The following DNAH7 variants were observed in gnomAD, a reference collection of about 807,000 sequenced individuals.
DNAH7 encodes the protein axonemal beta dynein heavy chain 7.
A neutral mutation model predicts 444.6 loss-of-function variants in DNAH7; 397 were observed. The ratio of observed to expected loss-of-function variants is 0.89; its 90% CI spans 0.82 to 0.97. The LOEUF (loss-of-function observed/expected upper bound fraction) is 0.97. Among genes scored for constraint, DNAH7 ranks in the 50% least tolerant of loss-of-function variants. The probability of loss-of-function intolerance (pLI) is 0.00; values close to 1 mark genes in which losing one functional copy is unlikely to be tolerated. For missense variants in DNAH7, 4,902 were observed against 4,800.8 expected, an observed-to-expected ratio of 1.02 and a Z score of -0.62; for synonymous variants, 1,636 against 1,624.4, an observed-to-expected ratio of 1.01 and a Z score of -0.17.
At position 196,028,013 on chromosome 2, in the gene DNAH7, C is replaced by T. The variant is rs960561467; in HGVS notation, c.433G>A (p.Asp145Asn). Residue 145 changes from aspartate to asparagine, a missense_variant, in exon 6 of 65, where the codon GAT (aspartate) becomes AAT (asparagine). By Grantham distance (23) the Asp-to-Asn change is conservative. Coordinates refer to ENST00000312428, the MANE Select transcript of DNAH7 (RefSeq NM_018897.3). ...GTCGGTTTTGGAATTGTGCTTCCAT[C>T]AGGGACAGCTGAGTCTAAGTCAGCA... The part of the protein sequence containing the change: ...QDADLDSAVP[D>N]GSTIPKPTAS... 3.1e-6 allele frequency: 5 copies of T among 1,611,308 alleles called. No homozygotes were observed. The East Asian group carries it at 9.0e-5, about 29-fold the overall frequency.
At chr2:195,956,126 T>C (rs1427704583) in intron 19 of DNAH7, among the ~76,000 whole-genome samples, 1 of 152,142 alleles carries the variant, frequency 6.6e-6, no homozygotes, top group Non-Finnish European at 1.5e-5. Context: ...CAATACAGTA[T>C]TATCAATATT....
chr2:195,804,357 G>GT (rs1696611992), intron 54 of DNAH7, among the ~76,000 whole-genome samples: 1 of 152,040 alleles, frequency 6.6e-6, no homozygotes, highest in African/African-American at 2.4e-5. Flanking sequence ...GGAGCACCTG[G>GT]TAACAGTAAA....
chr2:195,752,715 G>A (rs1693860105), intron 63 of DNAH7, among the ~76,000 whole-genome samples: 1 of 152,066 alleles, frequency 6.6e-6, no homozygotes, highest in African/African-American at 2.4e-5. Context: ...GAGATGTACT[G>A]GAAACAAAGA....
chr2:195,976,129 ATCC>A (rs1405275701), intron 15 of DNAH7, among the ~76,000 whole-genome samples: 2 of 151,780 alleles, frequency 1.3e-5, no homozygotes, highest in Non-Finnish European at 2.9e-5. Context: ...GGATCTCGGG[ATCC>A]CCAATTCCAG....
intron 18 of DNAH7, among the ~76,000 whole-genome samples, chr2:195,958,481 C>T (rs1338481443): frequency 6.6e-6 from 1 of 152,078 alleles, no homozygotes; most frequent in African/African-American, 2.4e-5. Context: ...AAGTTATATG[C>T]AGGTTTTCAA....
At chr2:195,753,824 T>C (rs969874643) in intron 63 of DNAH7, among the ~76,000 whole-genome samples, 2 of 152,166 alleles carry the variant, frequency 1.3e-5, no homozygotes, top group Admixed American at 1.3e-4. Context: ...TTCTATTAGC[T>C]ATAAGTTTTG....
intron 19 of DNAH7, among the ~76,000 whole-genome samples, chr2:195,939,479 T>A (rs991707494): frequency 1.3e-5 from 2 of 152,076 alleles, no homozygotes; most frequent in Non-Finnish European, 1.5e-5. Flanking sequence ...TGTACAAGCC[T>A]CCATGTCACA....
intron 55 of DNAH7, among the ~76,000 whole-genome samples, chr2:195,798,427 C>G (rs752277218): frequency 3.3e-5 from 5 of 152,014 alleles, no homozygotes; most frequent in Non-Finnish European, 7.4e-5. Flanking sequence ...TCAGGAAATG[C>G]CCAATCATCT....
chr2:195,822,323 T>C (rs1489464452), intron 49 of DNAH7, among the ~76,000 whole-genome samples: 1 of 152,220 alleles, frequency 6.6e-6, no homozygotes, highest in Non-Finnish European at 1.5e-5. Context: ...CACAAGGAAG[T>C]ATCCATTCAT....
intron 21 of DNAH7, among the ~76,000 whole-genome samples, chr2:195,929,609 A>G (rs192692878): frequency 3.9e-5 from 6 of 152,364 alleles, no homozygotes; most frequent in African/African-American, 9.6e-5. Flanking sequence ...GTCAACAAAA[A>G]TAAGCAATGG....
chr2:196,013,184 C>A (rs57035588), intron 9 of DNAH7, among the ~76,000 whole-genome samples: 1,621 of 152,172 alleles, frequency 0.011, 34 homozygotes, highest in East Asian at 0.07. Context: ...CTGGTTTTTG[C>A]TTTTAAACTG....
At chr2:195,982,785 T>C (rs1052771625) in intron 15 of DNAH7, among the ~76,000 whole-genome samples, 3 of 152,126 alleles carry the variant, frequency 2.0e-5, no homozygotes, top group Non-Finnish European at 2.9e-5. Context: ...ATTGAACTCA[T>C]GGAAGTGGAG....
intron 58 of DNAH7, among the ~76,000 whole-genome samples, chr2:195,778,718 A>ACATATATATATACACATATATATACC (rs1695223278): frequency 2.2e-5 from 1 of 45,026 alleles, no homozygotes; most frequent in African/African-American, 6.0e-5. Context: ...ATATATATAC[A>ACATATATATATACACATATATATACC]CATATATATA....
chr2:195,999,909 T>C (rs2125682007), intron 12 of DNAH7, among the ~76,000 whole-genome samples: 1 of 152,250 alleles, frequency 6.6e-6, no homozygotes, highest in Non-Finnish European at 1.5e-5. Context: ...AGTAAGCCTA[T>C]TTTTCAAAAT....
intron 5 of DNAH7, among the ~76,000 whole-genome samples, chr2:196,029,139 A>G (rs1382047759): frequency 2.0e-5 from 3 of 152,180 alleles, no homozygotes; most frequent in African/African-American, 7.2e-5. Flanking sequence ...CTACAAATAT[A>G]ACCTCATTAC....
rs574404509 is a variant in DNAH7 at position 195,866,392 on chromosome 2, A to C, written c.6634-1371T>G. 8.5e-5 allele frequency among the ~76,000 whole-genome samples: 13 copies of C among 152,200 alleles called. 1 individual carries two copies. The highest frequency in any genetic ancestry group is 8.5e-4 in the Admixed American group (13 of 15,290). The stretch of plus-strand genomic sequence containing the variant: ...TCTGCATAAGCAAATGGTATTATTT[A>C]AACTTCCTTCTTATTCCAACCAGTT... On this transcript the variant is annotated intron_variant, in intron 40 of 64. Transcript: ENST00000312428.
chr2:195,960,200 AT>A, intron 18 of DNAH7, 59 bp downstream of exon 18: 5 of 1,378,824 alleles, frequency 3.6e-6, no homozygotes, highest in Non-Finnish European at 4.9e-6. Context: ...AGAACTTTAC[AT>A]TAAACACAAG....
intron 9 of DNAH7, 132 bp from the exon 10 acceptor site, chr2:196,013,038 A>G: frequency 1.7e-6 from 1 of 574,826 alleles, no homozygotes; most frequent in South Asian, 5.3e-5. Context: ...ATATAATTAA[A>G]TGTTAAAGAA....
chr2:195,774,967 AAATT>A (rs1388113449), intron 60 of DNAH7, among the ~76,000 whole-genome samples: 1 of 152,230 alleles, frequency 6.6e-6, no homozygotes, highest in Non-Finnish European at 1.5e-5. Flanking sequence ...AAAACAAATC[AAATT>A]AACAACTGAG....
Sources: allele counts gnomAD v4.1 joint callset (sites outside exome capture counted in the v4.1 genomes callset), GRCh38; gene constraint gnomAD v4.1.1; transcripts MANE v1.5; gene names NCBI Gene and HGNC (gene_info 2026-07-23, HGNC 2026-07-21).